Variants in FRMD4B observed in about 807,000 individuals in gnomAD.
FRMD4B encodes the protein FERM domain-containing protein 4B.
A neutral mutation model predicts 141.5 loss-of-function variants in FRMD4B; 74 were observed. The ratio of observed to expected loss-of-function variants is 0.52; its 90% confidence interval spans 0.43 to 0.63. FRMD4B has a LOEUF of 0.63. Among genes scored for constraint, FRMD4B ranks in the 30% least tolerant of loss-of-function variants. The probability of loss-of-function intolerance (pLI) is 0.00; values close to 1 mark genes in which losing one functional copy is unlikely to be tolerated. For synonymous variants in FRMD4B, 506 were observed against 467.9 expected (o/e 1.08, Z -1.05); for missense variants, 1,366 against 1,253.4 (o/e 1.09, Z -1.36).
intron 2 of FRMD4B, among the ~76,000 whole-genome samples, chr3:69,428,301 T>G (rs1705119303): frequency 6.6e-6 from 1 of 150,864 alleles, no homozygotes; most frequent in African/African-American, 2.4e-5. Flanking sequence ...CTCAGTGATC[T>G]CATCTGTGAA....
intron 7 of FRMD4B, among the ~76,000 whole-genome samples, chr3:69,234,651 G>A (rs1263339383): frequency 6.6e-6 from 1 of 152,146 alleles, no homozygotes; most frequent in African/African-American, 2.4e-5. Flanking sequence ...CAATATTAAA[G>A]GTGACAAACA....
At chr3:69,479,878 C>A (rs1166183385) in intron 1 of FRMD4B, among the ~76,000 whole-genome samples, 1 of 152,116 alleles carries the variant, frequency 6.6e-6, no homozygotes, top group Non-Finnish European at 1.5e-5. Context: ...TCACATAGTC[C>A]CATATTTCTT....
rs143332832 is a variant in FRMD4B at position 69,448,530 on chromosome 3, CA to C, written c.-128-15770del. ...GCTCCATATCCTCACTGATACTTGC[CA>C]TTGTTAGTCTTTAAATTTTAGCCAT... On this transcript the variant is annotated intron_variant, in intron 1 of 5. Transcript: ENST00000459638. 3.3e-5 allele frequency among the ~76,000 whole-genome samples: 5 copies of C among 152,270 alleles called. No homozygotes were observed. The East Asian group carries it at 9.6e-4, about 29-fold the overall frequency.
At chr3:69,415,458 C>T (rs1352906841) in intron 2 of FRMD4B, among the ~76,000 whole-genome samples, 2 of 152,160 alleles carry the variant, frequency 1.3e-5, no homozygotes, top group East Asian at 1.9e-4. Context: ...TGTCCTACGC[C>T]CCCTCTTCCC....
chr3:69,497,603 T>A (rs1559546018), intron 1 of FRMD4B, among the ~76,000 whole-genome samples: 1 of 152,106 alleles, frequency 6.6e-6, no homozygotes, highest in East Asian at 1.9e-4. Context: ...AATAATGTCT[T>A]CCCCATGGGA....
intron 1 of FRMD4B, among the ~76,000 whole-genome samples, chr3:69,326,350 G>C (rs1702191698): frequency 6.6e-6 from 1 of 152,092 alleles, no homozygotes; most frequent in African/African-American, 2.4e-5. Flanking sequence ...CTAATAGCTG[G>C]GGATTCATTC....
chr3:69,524,125 C>G (rs1277540887), intron 1 of FRMD4B, among the ~76,000 whole-genome samples: 2 of 152,182 alleles, frequency 1.3e-5, no homozygotes, highest in African/African-American at 4.8e-5. Context: ...TCAGAGATAA[C>G]AAATGTAAAG....
Position 69,329,516 on chromosome 3 carries a change from A to ATTTTGTTTTTT in FRMD4B, c.163-16000_163-15999insAAAAAACAAAA, listed in dbSNP as rs1702296965. On this transcript the variant is annotated intron_variant, in intron 1 of 22. Coordinates refer to ENST00000398540, the MANE Select transcript of FRMD4B (RefSeq NM_015123.3). The stretch of plus-strand genomic sequence containing the variant: ...AGGCATGCACCACCATGCCCAGCTA[A>ATTTTGTTTTTT]TTTTTTTTTTTTTTTTTTTTTTTTT... Among the ~76,000 whole-genome samples, 2 of 55,560 alleles carry ATTTTGTTTTTT rather than the reference A, an allele frequency of 3.6e-5. 1 individual carries two copies. Among genetic ancestry groups the ATTTTGTTTTTT allele is most frequent in the African/African-American group, 1.2e-4 (2 of 17,080 alleles). 36.4% of individuals were successfully genotyped at this position (55,560 alleles called of 152,430 possible).
At chr3:69,511,852 G>C (rs938538893) in intron 1 of FRMD4B, among the ~76,000 whole-genome samples, 1 of 152,056 alleles carries the variant, frequency 6.6e-6, no homozygotes, top group African/African-American at 2.4e-5. Context: ...GTTTTCCCTC[G>C]TATGTCCCTT....
At position 69,196,887 on chromosome 3, in the gene FRMD4B, G is replaced by T; in HGVS notation, c.1092+13C>A. On this transcript the variant is annotated intron_variant, in intron 13 of 22. Coordinates refer to ENST00000398540, the MANE Select transcript of FRMD4B (RefSeq NM_015123.3). ...GGGAATCTGTCCCTATAGAAATGAT[G>T]CCAGTTACTTACTTTGCTTTGCTTC... 1 of 1,596,528 alleles carries T rather than the reference G, an allele frequency of 6.3e-7. No individual in the cohort carries two copies. The highest frequency in any genetic ancestry group is 8.6e-7 in the Non-Finnish European group (1 of 1,165,026).
At chr3:69,533,314 T>C (rs142220016) in intron 1 of FRMD4B, among the ~76,000 whole-genome samples, 73 of 152,270 alleles carry the variant, frequency 4.8e-4, no homozygotes, top group African/African-American at 1.7e-3. Flanking sequence ...TCTTGCAACA[T>C]GGTGGCAAAG....
chr3:69,506,031 G>A (rs1033167488), intron 1 of FRMD4B, among the ~76,000 whole-genome samples: 1 of 152,174 alleles, frequency 6.6e-6, no homozygotes, highest in East Asian at 1.9e-4. Context: ...TTCGCTGAAT[G>A]CTGGTGAATA....
chr3:69,329,411 G>T (rs933824327), intron 1 of FRMD4B, among the ~76,000 whole-genome samples: 5 of 151,334 alleles, frequency 3.3e-5, no homozygotes, highest in African/African-American at 4.9e-5. Context: ...GTGCAGTAGC[G>T]CAATCTCTGC....
chr3:69,375,267 A>G (rs1220724986), intron 1 of FRMD4B, among the ~76,000 whole-genome samples: 1 of 109,602 alleles, frequency 9.1e-6, no homozygotes, highest in Non-Finnish European at 1.9e-5. Flanking sequence ...ACCCCATCCC[A>G]TCCATCCATC....
intron 1 of FRMD4B, among the ~76,000 whole-genome samples, chr3:69,451,070 C>T (rs1705489659): frequency 6.6e-6 from 1 of 152,132 alleles, no homozygotes; most frequent in Admixed American, 6.5e-5. Context: ...GAATGTGGCT[C>T]CCTCCTTCCA....
chr3:69,345,173 C>T (rs956364761), intron 1 of FRMD4B, among the ~76,000 whole-genome samples: 1 of 152,234 alleles, frequency 6.6e-6, no homozygotes, highest in Non-Finnish European at 1.5e-5. Flanking sequence ...TAGCAAATGG[C>T]ACACCAGGAG....
intron 5 of FRMD4B, chr3:69,250,315 GTGTC>G (rs2093455877): frequency 7.7e-6 from 4 of 519,926 alleles, no homozygotes; most frequent in African/African-American, 3.9e-5. Context: ...GTGTGTGTGT[GTGTC>G]TATTTTAAAT....
chr3:69,256,349 T>C (rs1309421155), intron 5 of FRMD4B, among the ~76,000 whole-genome samples: 7 of 152,194 alleles, frequency 4.6e-5, no homozygotes, highest in Non-Finnish European at 1.0e-4. Flanking sequence ...AGATGGAGTC[T>C]CACTCTGCCT....
chr3:69,436,006 A>AT (rs1705254010), intron 1 of FRMD4B, among the ~76,000 whole-genome samples: 1 of 152,206 alleles, frequency 6.6e-6, no homozygotes, highest in African/African-American at 2.4e-5. Context: ...CACTCTCAGC[A>AT]TAAGAGACTT....
Sources: gnomAD v4.1 joint callset for allele counts (sites outside exome capture counted in the v4.1 genomes callset) on GRCh38, gnomAD v4.1.1 for gene constraint, MANE v1.5 for transcripts, NCBI Gene and HGNC (gene_info 2026-07-23, HGNC 2026-07-21) for gene names.